RAB38: variants seen among roughly 807,000 people sequenced by gnomAD.
RAB38 encodes the protein RAB38, member RAS oncogene family.
RAB38 carries 15 observed loss-of-function variants against 18.4 expected under a neutral mutation model. The observed-to-expected ratio is 0.82, with a 90% CI of 0.55 to 1.26. The LOEUF (loss-of-function observed/expected upper bound fraction) is 1.26, where lower values mean the gene tolerates loss of function less well. RAB38 is among the 50% of genes most tolerant of loss of function. The pLI, the probability that RAB38 is intolerant of heterozygous loss-of-function variation, is 0.00. For synonymous variants in RAB38, 101 were observed against 104.4 expected (o/e 0.97, Z 0.20); for missense variants, 294 against 267.4 (o/e 1.10, Z -0.69).
chr11:88,113,894 T>A lies in RAB38; in HGVS notation c.*94A>T. ...GATCTTTGGCTTGCCACATGTGGTA[T>A]CTCTATCCTGACGTTTACCCAAAAT... On this transcript the variant is annotated 3_prime_UTR_variant, in exon 3 of 3. Transcript: ENST00000243662. 6.9e-7 allele frequency: 1 copy of A among 1,458,762 alleles called. No homozygotes were observed. 90.4% of individuals were successfully genotyped at this position (1,458,762 alleles called of 1,614,324 possible). A position where few individuals can be genotyped will look rare whatever the true frequency, so the allele number is the denominator to read the frequency against.
At chr11:87,938,937 A>G in the RAB38 span, among the ~76,000 whole-genome samples, 1 of 152,056 alleles carries the variant, frequency 6.6e-6, no homozygotes, top group Non-Finnish European at 1.5e-5. Context: ...AGGGAAATGT[A>G]CTTCTACACC....
At chr11:88,030,474 A>C in the RAB38 span, among the ~76,000 whole-genome samples, 4 of 152,222 alleles carry the variant, frequency 2.6e-5, no homozygotes, top group Non-Finnish European at 4.4e-5. Flanking sequence ...AAATTGATAG[A>C]CTGCTAGCAA....
At chr11:87,893,388 A>ATG in the RAB38 span, among the ~76,000 whole-genome samples, 206 of 9,340 alleles carry the variant, frequency 0.022, 1 homozygote, top group East Asian at 0.36. Flanking sequence ...ATATATATAT[A>ATG]TATTTTTTTT....
chr11:88,004,465 G>GT, the RAB38 span, among the ~76,000 whole-genome samples: 2 of 151,016 alleles, frequency 1.3e-5, no homozygotes. Context: ...GAAATATAAG[G>GT]AAAGTTCCTC....
chr11:87,974,450 A>G, the RAB38 span, among the ~76,000 whole-genome samples: 1 of 152,056 alleles, frequency 6.6e-6, no homozygotes, highest in African/African-American at 2.4e-5. Context: ...AAGAGGCAAA[A>G]TAAGACTTTT....
the RAB38 span, among the ~76,000 whole-genome samples, chr11:88,020,285 A>G: frequency 6.6e-6 from 1 of 152,232 alleles, no homozygotes; most frequent in Admixed American, 6.5e-5. Flanking sequence ...GAAAACCAAA[A>G]AAGAGCAGAA....
At chr11:87,896,261 A>G in the RAB38 span, among the ~76,000 whole-genome samples, 1 of 151,682 alleles carries the variant, frequency 6.6e-6, no homozygotes, top group African/African-American at 2.4e-5. Context: ...GAAGGAGACC[A>G]TGCCAAGGGG....
the RAB38 span, among the ~76,000 whole-genome samples, chr11:88,090,938 G>T: frequency 6.6e-6 from 1 of 151,902 alleles, no homozygotes; most frequent in South Asian, 2.1e-4. Flanking sequence ...ACAAACATGT[G>T]TCCTGCCTTA....
intron 1 of RAB38, among the ~76,000 whole-genome samples, chr11:88,161,248 C>T (rs980295924): frequency 3.9e-5 from 6 of 152,170 alleles, no homozygotes; most frequent in African/African-American, 9.6e-5. Flanking sequence ...TCCTAAATTA[C>T]TTTCCAGATT....
the RAB38 span, among the ~76,000 whole-genome samples, chr11:87,927,217 AC>A: frequency 6.6e-6 from 1 of 152,066 alleles, no homozygotes; most frequent in Non-Finnish European, 1.5e-5. Context: ...GCTGTGAGCT[AC>A]CTGCAGGTAG....
chr11:88,042,892 G>A, the RAB38 span, among the ~76,000 whole-genome samples: 1 of 152,170 alleles, frequency 6.6e-6, no homozygotes. Flanking sequence ...GAACAGAAAT[G>A]TCTTTACAGA....
the RAB38 span, among the ~76,000 whole-genome samples, chr11:88,056,803 C>CAATAAATAAATAAATA: frequency 4.4e-3 from 531 of 121,374 alleles, 1 homozygote; most frequent in Non-Finnish European, 7.4e-3. Context: ...GACTCCGTCT[C>CAATAAATAAATAAATA]AATAAATAAA....
chr11:87,870,335 G>A, the RAB38 span, among the ~76,000 whole-genome samples: 3 of 151,456 alleles, frequency 2.0e-5, no homozygotes, highest in South Asian at 4.2e-4. Context: ...GTGACTCATC[G>A]TGAAAATGGC....
At chr11:87,933,830 C>T in the RAB38 span, among the ~76,000 whole-genome samples, 2 of 152,114 alleles carry the variant, frequency 1.3e-5, no homozygotes, top group East Asian at 1.9e-4. Flanking sequence ...TCTACCCAAG[C>T]TTCTCTGCCT....
At chr11:87,952,515 C>G in the RAB38 span, among the ~76,000 whole-genome samples, 1 of 152,182 alleles carries the variant, frequency 6.6e-6, no homozygotes. Flanking sequence ...TTTCAGAATA[C>G]CATATTCCTT....
chr11:88,075,022 A>G, the RAB38 span, among the ~76,000 whole-genome samples: 1 of 152,250 alleles, frequency 6.6e-6, no homozygotes, highest in African/African-American at 2.4e-5. Context: ...GTAAATATCT[A>G]TGTACTAAAC....
the RAB38 span, among the ~76,000 whole-genome samples, chr11:87,947,783 T>A: frequency 2.6e-5 from 4 of 152,146 alleles, no homozygotes; most frequent in Non-Finnish European, 5.9e-5. Flanking sequence ...TGTTTTGGTT[T>A]GGTTACTGTA....
chr11:88,134,543 G>A (rs559242211), intron 2 of RAB38, among the ~76,000 whole-genome samples: 47 of 152,196 alleles, frequency 3.1e-4, no homozygotes, highest in African/African-American at 9.4e-4. Flanking sequence ...TCACCTGGCC[G>A]CCAATTCTAT....
chr11:88,158,478 A>G (rs893610429), intron 1 of RAB38, among the ~76,000 whole-genome samples: 5 of 152,142 alleles, frequency 3.3e-5, no homozygotes, highest in African/African-American at 1.2e-4. Flanking sequence ...TGAAAAAAGA[A>G]AACTACAGGC....
Sources: gnomAD v4.1 joint callset for allele counts (sites outside exome capture counted in the v4.1 genomes callset) on GRCh38, gnomAD v4.1.1 for gene constraint, MANE v1.5 for transcripts, NCBI Gene and HGNC (gene_info 2026-07-23, HGNC 2026-07-21) for gene names.